NAALADL2: variants seen among roughly 807,000 people sequenced by gnomAD.
NAALADL2 encodes inactive N-acetylated-alpha-linked acidic dipeptidase-like protein 2.
NAALADL2 carries 76 observed loss-of-function variants against 87.2 expected under a neutral mutation model. The observed-to-expected ratio is 0.87, with a 90% CI of 0.72 to 1.05. The LOEUF is 1.05. Among genes scored for constraint, NAALADL2 ranks in the 50% least tolerant of loss-of-function variants. The probability of loss-of-function intolerance (pLI) is 0.00; values close to 1 mark genes in which losing one functional copy is unlikely to be tolerated. For missense variants in NAALADL2, 1,089 were observed against 945.8 expected (o/e 1.15, Z -1.99); for synonymous variants, 354 against 331.0 (o/e 1.07, Z -0.75).
At position 175,377,104 on chromosome 3, in the gene NAALADL2, G is replaced by A. The variant is rs1452303803; in HGVS notation, c.1090+52779G>A. ...CAAGCAGGCAGATTGCTTGAGGCCA[G>A]GAGTTCAAACCCTCCCTGGCCAACA... is the stretch of plus-strand genomic sequence containing the variant. On this transcript the variant is annotated intron_variant, in intron 5 of 13. Coordinates refer to ENST00000454872, the MANE Select transcript of NAALADL2 (RefSeq NM_207015.3). Among the ~76,000 whole-genome samples the A allele has an allele frequency of 2.6e-5, 4 of 152,168 alleles. No homozygotes were observed. In the East Asian group the frequency reaches 7.7e-4, roughly 29 times the overall value.
intron 1 of NAALADL2, among the ~76,000 whole-genome samples, chr3:175,087,465 A>G (rs1719237258): frequency 6.6e-6 from 1 of 152,232 alleles, no homozygotes; most frequent in South Asian, 2.1e-4. Flanking sequence ...GTCGAATAGA[A>G]AAAGGGGGAA....
chr3:174,676,352 A>G (rs952787820), intron 2 of NAALADL2, among the ~76,000 whole-genome samples: 1 of 152,100 alleles, frequency 6.6e-6, no homozygotes, highest in Admixed American at 6.6e-5. Context: ...ACCATTTTAT[A>G]TGAACAATTT....
intron 2 of NAALADL2, among the ~76,000 whole-genome samples, chr3:174,601,439 T>C (rs1294624502): frequency 6.6e-6 from 1 of 152,202 alleles, no homozygotes; most frequent in Non-Finnish European, 1.5e-5. Flanking sequence ...TTTGTATGTC[T>C]TCTTTTGAAA....
At chr3:175,652,392 T>C (rs1730878986) in intron 11 of NAALADL2, among the ~76,000 whole-genome samples, 1 of 152,014 alleles carries the variant, frequency 6.6e-6, no homozygotes, top group South Asian at 2.1e-4. Flanking sequence ...CCCCACCAAA[T>C]ACAAATTCCA....
chr3:174,998,547 A>G (rs1173579923), intron 1 of NAALADL2, among the ~76,000 whole-genome samples: 1 of 152,202 alleles, frequency 6.6e-6, no homozygotes, highest in Non-Finnish European at 1.5e-5. Context: ...GGGCAGGTCA[A>G]TAGAACCTTA....
chr3:174,578,685 G>C (rs1189750380), intron 2 of NAALADL2, among the ~76,000 whole-genome samples: 1 of 151,906 alleles, frequency 6.6e-6, no homozygotes, highest in Non-Finnish European at 1.5e-5. Flanking sequence ...GGAACAGAGA[G>C]TGGCAGAAAT....
intron 2 of NAALADL2, among the ~76,000 whole-genome samples, chr3:174,686,661 C>T (rs965581088): frequency 9.9e-5 from 15 of 151,774 alleles, no homozygotes; most frequent in South Asian, 2.1e-4. Context: ...ATGTGATCTT[C>T]GACAAACTTG....
intron 6 of NAALADL2, among the ~76,000 whole-genome samples, chr3:175,461,019 ACAGAGTGCTGACTGGTCCATTTTG>A (rs1426983139): frequency 1.3e-5 from 2 of 152,040 alleles, no homozygotes; most frequent in Non-Finnish European, 2.9e-5. Context: ...GGTCCATTTT[ACAGAGTGCTGACTGGTCCATTTTG>A]CAGAGTGCTG....
chr3:175,244,961 T>G (rs974496876), intron 3 of NAALADL2, among the ~76,000 whole-genome samples: 2 of 152,172 alleles, frequency 1.3e-5, no homozygotes, highest in African/African-American at 4.8e-5. Flanking sequence ...AAAGGGACCT[T>G]TTGTAACTCA....
chr3:174,737,211 G>A (rs1250675218), intron 2 of NAALADL2, among the ~76,000 whole-genome samples: 1 of 152,186 alleles, frequency 6.6e-6, no homozygotes, highest in African/African-American at 2.4e-5. Flanking sequence ...TATTCCCCAG[G>A]CAGGTCTCAG....
At chr3:175,373,955 A>G (rs750472402) in intron 5 of NAALADL2, among the ~76,000 whole-genome samples, 2 of 152,118 alleles carry the variant, frequency 1.3e-5, no homozygotes, top group African/African-American at 2.4e-5. Context: ...ATATCTTTTT[A>G]TGGAAGAATC....
At chr3:175,460,305 G>C (rs571207751) in intron 6 of NAALADL2, 2 of 417,720 alleles carry the variant, frequency 4.8e-6, no homozygotes, top group African/African-American at 2.1e-5. Flanking sequence ...TGTGAGTATG[G>C]AATAATATAA....
intron 2 of NAALADL2, among the ~76,000 whole-genome samples, chr3:175,138,611 T>A (rs1255716462): frequency 1.3e-5 from 2 of 149,734 alleles, no homozygotes; most frequent in Non-Finnish European, 3.0e-5. Context: ...GTATTTATTA[T>A]TATTATTATT....
chr3:175,282,507 A>T (rs10936836), intron 4 of NAALADL2, among the ~76,000 whole-genome samples: 25,191 of 151,928 alleles, frequency 0.17, 2,716 homozygotes, highest in East Asian at 0.5. Flanking sequence ...GAGTAAAAAG[A>T]ATATCATCTG....
At chr3:174,488,494 A>G (rs555042589) in intron 1 of NAALADL2, among the ~76,000 whole-genome samples, 2 of 152,204 alleles carry the variant, frequency 1.3e-5, no homozygotes, top group African/African-American at 4.8e-5. Flanking sequence ...GTAGGCACTG[A>G]TGCTTTTAAT....
At chr3:174,580,757 G>A (rs888786404) in intron 2 of NAALADL2, among the ~76,000 whole-genome samples, 1 of 151,974 alleles carries the variant, frequency 6.6e-6, no homozygotes, top group Admixed American at 6.6e-5. Flanking sequence ...ACCTGTTGAA[G>A]GAAATTTGGC....
intron 13 of NAALADL2, among the ~76,000 whole-genome samples, chr3:175,781,175 T>A (rs1156932729): frequency 6.6e-6 from 1 of 152,220 alleles, no homozygotes; most frequent in Non-Finnish European, 1.5e-5. Context: ...TACTTTCAAG[T>A]TATTTCTCAA....
intron 13 of NAALADL2, among the ~76,000 whole-genome samples, chr3:175,781,107 C>T (rs1460739355): frequency 1.3e-5 from 2 of 152,126 alleles, no homozygotes; most frequent in African/African-American, 4.8e-5. Context: ...GGGAACTCAG[C>T]TAAAAATGAA....
chr3:175,406,167 T>G (rs1235253998), intron 5 of NAALADL2, among the ~76,000 whole-genome samples: 1 of 152,138 alleles, frequency 6.6e-6, no homozygotes, highest in Non-Finnish European at 1.5e-5. Context: ...AAAATGACAA[T>G]GGAGTGAATG....
Sources: gnomAD v4.1 joint callset for allele counts (sites outside exome capture counted in the v4.1 genomes callset) on GRCh38, gnomAD v4.1.1 for gene constraint, MANE v1.5 for transcripts, NCBI Gene and HGNC (gene_info 2026-07-23, HGNC 2026-07-21) for gene names.